Variants in PRR16 observed in about 807,000 individuals in gnomAD.
PRR16 encodes the protein protein Largen.
A neutral mutation model predicts 18.2 loss-of-function variants in PRR16; 6 were observed. The ratio of observed to expected loss-of-function variants is 0.33; its 90% confidence interval spans 0.18 to 0.65. The LOEUF (loss-of-function observed/expected upper bound fraction) is 0.65. PRR16 is among the 30% of genes least tolerant of loss of function. PRR16 has a pLI of 0.74. For synonymous variants in PRR16, 151 were observed against 147.8 expected (o/e 1.02, Z -0.16); for missense variants, 412 against 376.6 (o/e 1.09, Z -0.78).
At chr5:120,468,103 G>C (rs1380892942) in intron 1 of PRR16, among the ~76,000 whole-genome samples, 1 of 152,120 alleles carries the variant, frequency 6.6e-6, no homozygotes, top group Non-Finnish European at 1.5e-5. Context: ...TTGAGAATGA[G>C]AGTGAGTATA....
At chr5:120,637,121 A>G (rs571672434) in intron 1 of PRR16, among the ~76,000 whole-genome samples, 14 of 152,016 alleles carry the variant, frequency 9.2e-5, no homozygotes, top group Non-Finnish European at 1.6e-4. Flanking sequence ...ATAATCAAAA[A>G]ATCAAAAAAT....
rs573039975 is a variant in PRR16 at position 120,532,797 on chromosome 5, T to G, written c.159+68152T>G. ...AATTTTTAGGAAAAAATTCACATAC[T>G]AGAGAAATGACAAAGAAGCAAAAAC... On this transcript the variant is annotated intron_variant, in intron 1 of 1. Transcript: ENST00000407149. 3.3e-5 allele frequency among the ~76,000 whole-genome samples: 5 copies of G among 152,246 alleles called. No individual in the cohort carries two copies. The East Asian group carries it at 9.6e-4, about 29-fold the overall frequency.
intron 1 of PRR16, among the ~76,000 whole-genome samples, chr5:120,510,932 A>C (rs1750806274): frequency 6.6e-6 from 1 of 152,170 alleles, no homozygotes; most frequent in African/African-American, 2.4e-5. Context: ...TGGGGAAACT[A>C]ATATGATGTG....
At chr5:120,675,670 G>C (rs1294369160) in intron 1 of PRR16, among the ~76,000 whole-genome samples, 3 of 152,174 alleles carry the variant, frequency 2.0e-5, no homozygotes, top group Non-Finnish European at 4.4e-5. Context: ...AGGAAGACAT[G>C]AAGTACATAT....
At chr5:120,735,212 A>G in the PRR16 span, among the ~76,000 whole-genome samples, 1 of 152,182 alleles carries the variant, frequency 6.6e-6, no homozygotes. Context: ...TAAAGGCAAA[A>G]TGCTGTCCCA....
At chr5:120,792,989 C>A in the PRR16 span, among the ~76,000 whole-genome samples, 1 of 151,826 alleles carries the variant, frequency 6.6e-6, no homozygotes, top group Non-Finnish European at 1.5e-5. Context: ...CCTGTCTCTA[C>A]AAAAAATAAA....
At chr5:120,688,604 A>G (rs1757174345), downstream of PRR16, among the ~76,000 whole-genome samples, 2 of 152,322 alleles carry the variant, frequency 1.3e-5, no homozygotes, top group African/African-American at 2.4e-5. Context: ...TCACATGTCT[A>G]TCAAAAGCTA....
the PRR16 span, among the ~76,000 whole-genome samples, chr5:120,719,868 T>C: frequency 6.6e-6 from 1 of 152,006 alleles, no homozygotes; most frequent in Non-Finnish European, 1.5e-5. Flanking sequence ...ATGACATGTG[T>C]TATATCTAAT....
intron 1 of PRR16, among the ~76,000 whole-genome samples, chr5:120,518,859 T>C (rs988759010): frequency 1.3e-5 from 2 of 152,312 alleles, no homozygotes; most frequent in Non-Finnish European, 2.9e-5. Context: ...ATGTCATGGC[T>C]GGAACTAGAG....
the PRR16 span, among the ~76,000 whole-genome samples, chr5:120,714,864 C>T: frequency 6.6e-6 from 1 of 152,070 alleles, no homozygotes; most frequent in African/African-American, 2.4e-5. Context: ...TGGAAGCCAT[C>T]ATCCTTAGCA....
At chr5:120,702,256 ACGGAAATAAGGGGTCG>A in the PRR16 span, among the ~76,000 whole-genome samples, 2 of 71,662 alleles carry the variant, frequency 2.8e-5, no homozygotes, top group Non-Finnish European at 6.3e-5. Flanking sequence ...GGGTCGGGGC[ACGGAAATAAGGGGTCG>A]GGGCATGGAA....
intron 1 of PRR16, among the ~76,000 whole-genome samples, chr5:120,586,096 C>T (rs1753431921): frequency 6.6e-6 from 1 of 151,498 alleles, no homozygotes; most frequent in Non-Finnish European, 1.5e-5. Context: ...TCATGTGAAC[C>T]AGGGAGGTGG....
chr5:120,593,771 G>A (rs1428556527), intron 1 of PRR16, among the ~76,000 whole-genome samples: 4 of 151,902 alleles, frequency 2.6e-5, no homozygotes, highest in South Asian at 2.1e-4. Context: ...CCAACAAACC[G>A]AATCTAATAG....
the PRR16 span, among the ~76,000 whole-genome samples, chr5:120,702,192 G>A: frequency 6.6e-6 from 1 of 151,426 alleles, no homozygotes; most frequent in African/African-American, 2.4e-5. Flanking sequence ...AGAGGTTGGG[G>A]TGTGGAAATA....
chr5:120,730,113 G>A, the PRR16 span, among the ~76,000 whole-genome samples: 254 of 152,128 alleles, frequency 1.7e-3, 3 homozygotes, highest in Non-Finnish European at 2.6e-3. Flanking sequence ...TGTATGCTTC[G>A]TTTTAGAAAT....
the PRR16 span, among the ~76,000 whole-genome samples, chr5:120,792,210 C>T: frequency 6.6e-6 from 1 of 151,540 alleles, no homozygotes; most frequent in Admixed American, 6.6e-5. Context: ...ACCAGCTGTA[C>T]TCTCTCACGA....
intron 1 of PRR16, among the ~76,000 whole-genome samples, chr5:120,501,185 T>G (rs1750440396): frequency 6.6e-6 from 1 of 152,218 alleles, no homozygotes; most frequent in Non-Finnish European, 1.5e-5. Flanking sequence ...AGCATTAATT[T>G]AATGACAAAA....
At chr5:120,587,068 C>A (rs1753472358) in intron 1 of PRR16, among the ~76,000 whole-genome samples, 1 of 152,130 alleles carries the variant, frequency 6.6e-6, no homozygotes. Context: ...TTAAACATTT[C>A]CTTAAGCCAA....
At chr5:120,493,698 GACTTCCT>G (rs1750145016) in intron 1 of PRR16, among the ~76,000 whole-genome samples, 1 of 152,072 alleles carries the variant, frequency 6.6e-6, no homozygotes, top group Non-Finnish European at 1.5e-5. Flanking sequence ...TGTTGACATA[GACTTCCT>G]AGCCCCGGAC....
Sources: gnomAD v4.1 joint callset for allele counts (sites outside exome capture counted in the v4.1 genomes callset) on GRCh38, gnomAD v4.1.1 for gene constraint, MANE v1.5 for transcripts, NCBI Gene and HGNC (gene_info 2026-07-23, HGNC 2026-07-21) for gene names.